RALGAPA2: variants seen among roughly 807,000 people sequenced by gnomAD.
RALGAPA2 encodes ral GTPase-activating protein subunit alpha-2.
RALGAPA2 carries 139 observed loss-of-function variants against 230.4 expected under a neutral mutation model. The ratio of observed to expected loss-of-function variants is 0.60; its 90% CI spans 0.53 to 0.69. The LOEUF is 0.69. Ranked by LOEUF, RALGAPA2 falls within the 30% of genes least tolerant of loss-of-function variation. The pLI is 0.00. For missense variants in RALGAPA2, 2,163 were observed against 2,276.0 expected (o/e 0.95, Z 1.01); for synonymous variants, 847 against 837.8 (o/e 1.01, Z -0.19).
chr20:20,497,565 A>G (rs1394115845), intron 35 of RALGAPA2, among the ~76,000 whole-genome samples: 3 of 152,206 alleles, frequency 2.0e-5, no homozygotes, highest in Non-Finnish European at 4.4e-5. Flanking sequence ...TTGGTGCTCT[A>G]GTATCTGTGA....
chr20:20,414,431 A>AGCCACGT (rs1450016907), intron 37 of RALGAPA2, among the ~76,000 whole-genome samples: 3 of 152,206 alleles, frequency 2.0e-5, no homozygotes, highest in Admixed American at 2.0e-4. Flanking sequence ...ACTCTGCGGA[A>AGCCACGT]GCCACGTATC....
intron 33 of RALGAPA2, among the ~76,000 whole-genome samples, chr20:20,507,774 G>T (rs1401782231): frequency 6.6e-6 from 1 of 152,196 alleles, no homozygotes; most frequent in African/African-American, 2.4e-5. Flanking sequence ...CACCAATGGC[G>T]TAGAATCTAA....
intron 1 of RALGAPA2, among the ~76,000 whole-genome samples, chr20:20,689,515 G>A (rs1312274060): frequency 2.0e-5 from 3 of 152,168 alleles, no homozygotes; most frequent in African/African-American, 4.8e-5. Context: ...GGTGGTGCAC[G>A]CCTGTAATCC....
rs75845285 is a variant in RALGAPA2, at chr20:20,707,361, G to A, written c.106+5014C>T. Among the ~76,000 whole-genome samples, 712 of 151,974 alleles carry A rather than the reference G, an allele frequency of 4.7e-3. 34 individuals carry two copies. In the East Asian group the frequency reaches 0.12, roughly 25 times the overall value. On this transcript the variant is annotated intron_variant, in intron 1 of 39. Transcript: ENST00000202677. ...TATCGAAAAAGCTGCTTCTCAAGAT[G>A]TTTACTGCAGTATTACTTCTATCAG...
intron 37 of RALGAPA2, among the ~76,000 whole-genome samples, chr20:20,424,117 G>T (rs1315162007): frequency 6.6e-6 from 1 of 152,174 alleles, no homozygotes; most frequent in African/African-American, 2.4e-5. Flanking sequence ...ACATGCAACG[G>T]ATTTGGACTA....
At chr20:20,574,468 T>C (rs544512344) in intron 20 of RALGAPA2, among the ~76,000 whole-genome samples, 1 of 152,226 alleles carries the variant, frequency 6.6e-6, no homozygotes, top group African/African-American at 2.4e-5. Context: ...TAGAATTTTG[T>C]TCTTTGGATA....
At chr20:20,699,931 T>C (rs1375005726) in intron 1 of RALGAPA2, among the ~76,000 whole-genome samples, 1 of 152,160 alleles carries the variant, frequency 6.6e-6, no homozygotes, top group Non-Finnish European at 1.5e-5. Flanking sequence ...GAGTTACCAT[T>C]TGACCCAGCA....
At chr20:20,450,501 A>G (rs148522743) in intron 37 of RALGAPA2, among the ~76,000 whole-genome samples, 6 of 152,378 alleles carry the variant, frequency 3.9e-5, no homozygotes, top group East Asian at 1.9e-4. Flanking sequence ...TCTGAAAGCT[A>G]TATCATTTTG....
chr20:20,704,933 T>C (rs2069536630), intron 1 of RALGAPA2, among the ~76,000 whole-genome samples: 1 of 152,194 alleles, frequency 6.6e-6, no homozygotes, highest in African/African-American at 2.4e-5. Flanking sequence ...TATCCATTAT[T>C]CAAAACCTAC....
chr20:20,615,915 C>G (rs979418861), intron 13 of RALGAPA2, 128 bp downstream of exon 13: 10 of 675,722 alleles, frequency 1.5e-5, no homozygotes, highest in Non-Finnish European at 2.0e-5. Context: ...TTCACAGAAA[C>G]TGTTACAAAA....
intron 39 of RALGAPA2, among the ~76,000 whole-genome samples, chr20:20,395,022 G>A (rs2059682073): frequency 6.6e-6 from 1 of 152,184 alleles, no homozygotes; most frequent in South Asian, 2.1e-4. Flanking sequence ...ACTCACCCAG[G>A]GAGGATAAAG....
At chr20:20,711,925 A>G (rs999491687) in intron 1 of RALGAPA2, among the ~76,000 whole-genome samples, 2 of 152,110 alleles carry the variant, frequency 1.3e-5, no homozygotes, top group Non-Finnish European at 2.9e-5. Context: ...GATGACAGAG[A>G]TGAGAGCCCA....
chr20:20,673,854 C>A (rs2068225897), intron 3 of RALGAPA2, among the ~76,000 whole-genome samples: 1 of 152,052 alleles, frequency 6.6e-6, no homozygotes. Context: ...AAAACTGAGG[C>A]CAACCTCAGC....
intron 36 of RALGAPA2, among the ~76,000 whole-genome samples, chr20:20,485,486 C>T (rs895121570): frequency 1.3e-5 from 2 of 152,186 alleles, no homozygotes; most frequent in African/African-American, 4.8e-5. Flanking sequence ...GTATTTTATT[C>T]ATTGTCCTTA....
intron 3 of RALGAPA2, among the ~76,000 whole-genome samples, chr20:20,661,356 C>T (rs1482131047): frequency 6.6e-6 from 1 of 152,128 alleles, no homozygotes; most frequent in Admixed American, 6.5e-5. Context: ...GACAGGGTTT[C>T]TCCATGTTGG....
chr20:20,511,118 A>C, intron 33 of RALGAPA2, 136 bp downstream of exon 33: 4 of 1,408,908 alleles, frequency 2.8e-6, no homozygotes, highest in Non-Finnish European at 3.8e-6. Context: ...TGGCATGCGC[A>C]AATGTCACCA....
chr20:20,501,384 T>C (rs1469650276), intron 35 of RALGAPA2, among the ~76,000 whole-genome samples: 2 of 152,244 alleles, frequency 1.3e-5, no homozygotes, highest in Admixed American at 1.3e-4. Flanking sequence ...ATGCTTCGCC[T>C]TGTGCTTTCA....
At chr20:20,690,115 G>A (rs913971501) in intron 1 of RALGAPA2, among the ~76,000 whole-genome samples, 18 of 152,062 alleles carry the variant, frequency 1.2e-4, no homozygotes, top group African/African-American at 4.1e-4. Flanking sequence ...TCAAGATTTC[G>A]TATTTCAGAA....
rs961705257 is a variant in RALGAPA2, at chr20:20,502,321, G to C, written c.5208+1030C>G. Among the ~76,000 whole-genome samples, 3 of 152,258 alleles carry C rather than the reference G, an allele frequency of 2.0e-5. No individual in the cohort carries two copies. The East Asian group carries it at 5.8e-4, about 29-fold the overall frequency. On this transcript the variant is annotated intron_variant, in intron 35 of 39. Coordinates refer to ENST00000202677, the MANE Select transcript of RALGAPA2 (RefSeq NM_020343.4). ...AAAGCAGGTACAGTGAGGCCAATCG[G>C]CCAATATAAAGCATCTGGCTAACGG...
Sources: gnomAD v4.1 joint callset for allele counts (sites outside exome capture counted in the v4.1 genomes callset) on GRCh38, gnomAD v4.1.1 for gene constraint, MANE v1.5 for transcripts, NCBI Gene and HGNC (gene_info 2026-07-23, HGNC 2026-07-21) for gene names.